Variants in HDLBP observed in about 807,000 individuals in gnomAD.
HDLBP encodes the protein high density lipoprotein binding protein, also known as vigilin.
HDLBP carries 30 observed loss-of-function variants against 137.3 expected under a neutral mutation model. The observed-to-expected ratio is 0.22, with a 90% CI of 0.16 to 0.30. HDLBP has a LOEUF of 0.30. Among genes scored for constraint, HDLBP ranks in the 10% least tolerant of loss-of-function variants. The pLI, the probability that HDLBP is intolerant of heterozygous loss-of-function variation, is 1.00. For missense variants in HDLBP, 1,119 were observed against 1,667.3 expected (o/e 0.67, Z 5.73); for synonymous variants, 606 against 596.0 (o/e 1.02, Z -0.24).
chr2:241,307,347 T>C (rs2075615868), intron 1 of HDLBP, among the ~76,000 whole-genome samples: 2 of 152,344 alleles, frequency 1.3e-5, no homozygotes, highest in Admixed American at 1.3e-4. Context: ...CAGCCACTTC[T>C]TACCTCTTCC....
chr2:241,260,598 A>T (rs1310462364), intron 5 of HDLBP, among the ~76,000 whole-genome samples: 1 of 152,236 alleles, frequency 6.6e-6, no homozygotes, highest in African/African-American at 2.4e-5. Context: ...CATAATTTGC[A>T]ACCCTTAACG....
At chr2:241,241,194 A>G (rs796745311) in intron 17 of HDLBP, among the ~76,000 whole-genome samples, 7 of 152,274 alleles carry the variant, frequency 4.6e-5, no homozygotes, top group African/African-American at 1.7e-4. Flanking sequence ...AACAAAAAAG[A>G]CAAGAAATAC....
chr2:241,272,339 C>T lies in HDLBP; in HGVS notation c.-102-3798G>A. 1 of 984,078 alleles carries T rather than the reference C, an allele frequency of 1.0e-6. No homozygotes were observed. The highest frequency in any genetic ancestry group is 1.2e-6 in the Non-Finnish European group (1 of 829,118). 61.0% of individuals were successfully genotyped at this position (984,078 alleles called of 1,614,324 possible). ...CCGCCGGAGCGGGGGAGGGGAGGGC[C>T]GGCCCCGCCAACGTCAGCGACCTGG... On this transcript the variant is annotated intron_variant, in intron 1 of 27. Coordinates refer to ENST00000310931, the MANE Select transcript of HDLBP (RefSeq NM_005336.6). This position sits in a 1 kb window ranked among gnomAD's most constrained non-coding sequence, Gnocchi z 5.6.
chr2:241,300,136 G>A (rs1421376131), intron 1 of HDLBP, among the ~76,000 whole-genome samples: 1 of 151,894 alleles, frequency 6.6e-6, no homozygotes, highest in Non-Finnish European at 1.5e-5. Context: ...CATCAAGAAA[G>A]CCACAGCACA....
chr2:241,298,668 C>T (rs987402241), intron 1 of HDLBP, among the ~76,000 whole-genome samples: 4 of 152,168 alleles, frequency 2.6e-5, no homozygotes, highest in Non-Finnish European at 5.9e-5. Flanking sequence ...AAGGCAGCAC[C>T]TGAATCAAGC....
intron 1 of HDLBP, among the ~76,000 whole-genome samples, chr2:241,294,182 T>C (rs1439599500): frequency 1.3e-5 from 2 of 152,174 alleles, no homozygotes; most frequent in African/African-American, 4.8e-5. Context: ...CCACGAATTA[T>C]TTTTGTAACT....
chr2:241,266,769 G>A (rs1235085552), intron 3 of HDLBP, 25 bp downstream of exon 3: 3 of 1,396,198 alleles, frequency 2.1e-6, no homozygotes, highest in Non-Finnish European at 3.1e-6. Context: ...ACATTACCAG[G>A]AAGAGCACAT....
At position 241,249,949 on chromosome 2, in the gene HDLBP, G is replaced by A. The variant is rs372624270; in HGVS notation, c.1404C>T (p.Ser468=). The change falls in exon 12 of 28, where the codon TCC becomes TCT. Residue 468 remains serine, a synonymous_variant. Coordinates refer to ENST00000310931, the MANE Select transcript of HDLBP (RefSeq NM_005336.6). The part of the protein sequence containing the change: ...INRIKDQYKV[S]VRIPPDSEKS... ...TCTCACTGTCAGGAGGGATGCGCAC[G>A]GACACCTTGTACTGGTCTTTGATTC... is the stretch of plus-strand genomic sequence containing the variant. The A allele has an allele frequency of 2.5e-5, 40 of 1,612,820 alleles. No homozygotes were observed. Among genetic ancestry groups the A allele is most frequent in the African/African-American group, 1.5e-4 (11 of 74,848 alleles).
intron 16 of HDLBP, among the ~76,000 whole-genome samples, chr2:241,245,812 A>G (rs2071621157): frequency 6.6e-6 from 1 of 152,184 alleles, no homozygotes; most frequent in Non-Finnish European, 1.5e-5. Context: ...AAAAAATTTT[A>G]AATATAAGGG....
intron 1 of HDLBP, among the ~76,000 whole-genome samples, chr2:241,288,423 A>G (rs1410928726): frequency 7.1e-6 from 1 of 141,422 alleles, no homozygotes; most frequent in African/African-American, 2.6e-5. Context: ...CTGAAGACAC[A>G]TTTCATCTCA....
At chr2:241,306,935 A>G (rs1218162410) in intron 1 of HDLBP, among the ~76,000 whole-genome samples, 1 of 148,704 alleles carries the variant, frequency 6.7e-6, no homozygotes, top group Non-Finnish European at 1.5e-5. Context: ...CATAAGGCTG[A>G]TAAGAACAGG....
intron 1 of HDLBP, among the ~76,000 whole-genome samples, chr2:241,282,961 G>A (rs2074661735): frequency 6.6e-6 from 1 of 152,198 alleles, no homozygotes; most frequent in Non-Finnish European, 1.5e-5. Flanking sequence ...GAAGGCACGT[G>A]AAGAAGAGTT....
intron 2 of HDLBP, chr2:241,268,035 T>C (rs565514246): frequency 5.7e-6 from 5 of 872,506 alleles, no homozygotes; most frequent in East Asian, 1.2e-4. Flanking sequence ...TCCAAACTAC[T>C]ACAGTGAGGA....
chr2:241,243,690 G>T (rs2071460376), intron 16 of HDLBP: 1 of 152,326 alleles, frequency 6.6e-6, no homozygotes, highest in African/African-American at 2.4e-5. Flanking sequence ...CAACTTTCTG[G>T]GACGTGGAGT....
At chr2:241,285,082 T>A (rs1010365832) in intron 1 of HDLBP, among the ~76,000 whole-genome samples, 1 of 152,224 alleles carries the variant, frequency 6.6e-6, no homozygotes, top group Non-Finnish European at 1.5e-5. Context: ...GGTTTCACCA[T>A]GTTGGCCAGG....
rs1177391617 is a variant in HDLBP, at chr2:241,272,635, G to A, written c.-102-4094C>T. The stretch of plus-strand genomic sequence containing the variant: ...AGCCTGGGGCCCGGGTGGGGGCCGC[G>A]GCACCCGGGCCCCTCCCCCTCCGCG... On this transcript the variant is annotated intron_variant, in intron 1 of 27. Coordinates refer to ENST00000310931, the MANE Select transcript of HDLBP (RefSeq NM_005336.6). The surrounding 1 kb of genome is among the most constrained non-coding windows in gnomAD (Gnocchi z 5.6). 14 of 970,988 alleles carry A rather than the reference G, an allele frequency of 1.4e-5. 1 individual carries two copies. In the East Asian group the frequency reaches 7.0e-4, roughly 49 times the overall value. The allele number at this position is 970,988 out of a possible 1,614,324, so 60.1% of individuals were successfully genotyped here.
rs373899075 is a variant in HDLBP at position 241,262,665 on chromosome 2, A to T, written c.450+46T>A. 5.5e-6 allele frequency: 8 copies of T among 1,441,946 alleles called. No individual in the cohort carries two copies. The African/African-American group carries it at 1.1e-4, about 20-fold the overall frequency. 89.3% of individuals were successfully genotyped at this position (1,441,946 alleles called of 1,614,324 possible). A position where few individuals can be genotyped will look rare whatever the true frequency, so the allele number is the denominator to read the frequency against. Reference sequence around the variant, plus strand: ...GCCTGCATCAGGAGCCGGGTAATGGAACGGGTACACAGTCACTGGGGAGAA... The same window carrying T: ...GCCTGCATCAGGAGCCGGGTAATGGTACGGGTACACAGTCACTGGGGAGAA... On this transcript the variant is annotated intron_variant, in intron 5 of 27. Coordinates refer to ENST00000310931, the MANE Select transcript of HDLBP (RefSeq NM_005336.6).
At chr2:241,301,576 T>C (rs1275401678) in intron 1 of HDLBP, among the ~76,000 whole-genome samples, 1 of 152,116 alleles carries the variant, frequency 6.6e-6, no homozygotes, top group Admixed American at 6.5e-5. Context: ...TCTAATAATA[T>C]ACACTCAGGA....
intron 1 of HDLBP, among the ~76,000 whole-genome samples, chr2:241,300,685 C>T (rs981343771): frequency 2.0e-5 from 3 of 152,118 alleles, no homozygotes; most frequent in African/African-American, 7.2e-5. Context: ...GAGAAAAGAC[C>T]TTCACATCAC....
Sources: allele counts gnomAD v4.1 joint callset (sites outside exome capture counted in the v4.1 genomes callset), GRCh38; gene constraint gnomAD v4.1.1; non-coding constraint Gnocchi (gnomAD v3.1); transcripts MANE v1.5; gene names NCBI Gene and HGNC (gene_info 2026-07-23, HGNC 2026-07-21).